ULK4: variants seen among roughly 807,000 people sequenced by gnomAD.
ULK4 encodes unc-51 like kinase 4.
ULK4 carries 133 observed loss-of-function variants against 160.6 expected under a neutral mutation model. The ratio of observed to expected loss-of-function variants is 0.83; its 90% CI spans 0.72 to 0.96. The LOEUF is 0.96. Among genes scored for constraint, ULK4 ranks in the 40% least tolerant of loss-of-function variants. The pLI, the probability that ULK4 is intolerant of heterozygous loss-of-function variation, is 0.00. For missense variants in ULK4, 1,580 were observed against 1,499.5 expected (o/e 1.05, Z -0.89); for synonymous variants, 534 against 539.8 (o/e 0.99, Z 0.15).
At chr3:41,481,406 T>C (rs970403368) in intron 32 of ULK4, among the ~76,000 whole-genome samples, 1 of 152,206 alleles carries the variant, frequency 6.6e-6, no homozygotes, top group Non-Finnish European at 1.5e-5. Flanking sequence ...TGAAATCTAC[T>C]GGGCTGCATT....
chr3:41,395,055 G>T (rs566513813), intron 35 of ULK4, among the ~76,000 whole-genome samples: 1 of 152,134 alleles, frequency 6.6e-6, no homozygotes, highest in African/African-American at 2.4e-5. Context: ...TGATCCCAAT[G>T]CAGAACATTT....
At chr3:41,826,623 T>C (rs2041364834) in intron 18 of ULK4, among the ~76,000 whole-genome samples, 1 of 146,602 alleles carries the variant, frequency 6.8e-6, no homozygotes, top group Admixed American at 6.7e-5. Context: ...CCTAAATACA[T>C]ATGCACCCAA....
chr3:41,604,735 G>A (rs925107020), intron 31 of ULK4, among the ~76,000 whole-genome samples: 1 of 151,906 alleles, frequency 6.6e-6, no homozygotes, highest in African/African-American at 2.4e-5. Flanking sequence ...CTACAGCCAG[G>A]GCCAACTCTA....
chr3:41,620,437 C>A (rs1216598410), intron 30 of ULK4, among the ~76,000 whole-genome samples: 1 of 152,176 alleles, frequency 6.6e-6, no homozygotes, highest in East Asian at 1.9e-4. Context: ...TTGGCTTCAT[C>A]CCTGGGATGC....
At chr3:41,296,918 GGAA>G (rs34460419) in intron 35 of ULK4, among the ~76,000 whole-genome samples, 65,896 of 151,652 alleles carry the variant, frequency 0.43, 16,410 homozygotes, top group East Asian at 0.65. Context: ...ACAGATGGCA[GGAA>G]GAAGAGAGGG....
chr3:41,686,725 G>C (rs2036113894), intron 27 of ULK4, among the ~76,000 whole-genome samples: 1 of 152,152 alleles, frequency 6.6e-6, no homozygotes, highest in Non-Finnish European at 1.5e-5. Context: ...AAATAAGAGA[G>C]AACGGCTCCA....
intron 34 of ULK4, among the ~76,000 whole-genome samples, chr3:41,454,208 A>G (rs528066964): frequency 6.7e-6 from 1 of 150,186 alleles, no homozygotes; most frequent in Non-Finnish European, 1.5e-5. Context: ...GAAAAATTCC[A>G]TTTAAGAAAG....
intron 32 of ULK4, among the ~76,000 whole-genome samples, chr3:41,492,713 A>G (rs1428494752): frequency 2.0e-5 from 3 of 151,996 alleles, no homozygotes; most frequent in African/African-American, 7.3e-5. Context: ...CATAGGCTCA[A>G]AATAAAAGGA....
At chr3:41,920,857 A>G (rs912321481) in intron 5 of ULK4, among the ~76,000 whole-genome samples, 2 of 152,108 alleles carry the variant, frequency 1.3e-5, no homozygotes, top group Non-Finnish European at 2.9e-5. Context: ...TGGAAGGTAT[A>G]TTTGCCTGCA....
chr3:41,884,857 A>G (rs969910022), intron 16 of ULK4, among the ~76,000 whole-genome samples: 13 of 152,230 alleles, frequency 8.5e-5, no homozygotes, highest in African/African-American at 2.4e-5. Context: ...CAAATTAAAG[A>G]AGTCCTAGGC....
At position 41,506,767 on chromosome 3, in the gene ULK4, A is replaced by AAAAAAAAAAAAAAAAAAAAAAAAAAAAT; in HGVS notation, c.3227-43515_3227-43514insATTTTTTTTTTTTTTTTTTTTTTTTTTT. 1.1e-4 allele frequency among the ~76,000 whole-genome samples: 6 copies of AAAAAAAAAAAAAAAAAAAAAAAAAAAAT among 56,794 alleles called. 2 individuals are homozygous for AAAAAAAAAAAAAAAAAAAAAAAAAAAAT. Among genetic ancestry groups the AAAAAAAAAAAAAAAAAAAAAAAAAAAAT allele is most frequent in the Admixed American group, 4.3e-4 (2 of 4,640 alleles). The allele number at this position is 56,794 out of a possible 152,430, so 37.3% of individuals were successfully genotyped here. ...AGCAATACACTGGAGTGTGATTTAA[A>AAAAAAAAAAAAAAAAAAAAAAAAAAAAT]ATATATATATATATATATATATATA... On this transcript the variant is annotated intron_variant, in intron 32 of 36. Coordinates refer to ENST00000301831, the MANE Select transcript of ULK4 (RefSeq NM_017886.4).
chr3:41,486,140 A>G (rs1299721785), intron 32 of ULK4, among the ~76,000 whole-genome samples: 2 of 152,098 alleles, frequency 1.3e-5, no homozygotes, highest in African/African-American at 2.4e-5. Context: ...TATCTCATGA[A>G]TATCAGTCTT....
At chr3:41,253,911 C>A (rs2078784333) in intron 35 of ULK4, among the ~76,000 whole-genome samples, 1 of 152,126 alleles carries the variant, frequency 6.6e-6, no homozygotes, top group African/African-American at 2.4e-5. Flanking sequence ...TTACCAGGGA[C>A]ATATTTTGAT....
intron 30 of ULK4, among the ~76,000 whole-genome samples, chr3:41,633,142 G>A (rs1233410594): frequency 1.3e-5 from 2 of 152,232 alleles, no homozygotes; most frequent in East Asian, 1.9e-4. Flanking sequence ...GCGGATCACA[G>A]AAGATCATGT....
chr3:41,829,711 G>C (rs2041502504), intron 18 of ULK4, among the ~76,000 whole-genome samples: 1 of 152,040 alleles, frequency 6.6e-6, no homozygotes, highest in Admixed American at 6.5e-5. Flanking sequence ...CTGTAAACTA[G>C]TTCAACCATT....
chr3:41,802,905 G>A (rs564024981), intron 19 of ULK4, among the ~76,000 whole-genome samples: 3 of 152,124 alleles, frequency 2.0e-5, no homozygotes, highest in Non-Finnish European at 2.9e-5. Context: ...AGTGGCTCAC[G>A]CCTGTAATCC....
chr3:41,605,263 CAA>C (rs2032321992), intron 31 of ULK4, among the ~76,000 whole-genome samples: 1 of 151,428 alleles, frequency 6.6e-6, no homozygotes, highest in African/African-American at 2.4e-5. Context: ...ATAATAATAT[CAA>C]AAATTGTATT....
At chr3:41,591,435 A>G (rs1303854626) in intron 31 of ULK4, among the ~76,000 whole-genome samples, 1 of 152,078 alleles carries the variant, frequency 6.6e-6, no homozygotes, top group Non-Finnish European at 1.5e-5. Flanking sequence ...CCTGGGCCAC[A>G]CTGGAAGAAG....
At chr3:41,315,312 G>A (rs1390807162) in intron 35 of ULK4, among the ~76,000 whole-genome samples, 1 of 152,098 alleles carries the variant, frequency 6.6e-6, no homozygotes, top group Non-Finnish European at 1.5e-5. Context: ...TGAAGTCACA[G>A]ACTTTGTTCA....
Sources: allele counts gnomAD v4.1 joint callset (sites outside exome capture counted in the v4.1 genomes callset), GRCh38; gene constraint gnomAD v4.1.1; transcripts MANE v1.5; gene names NCBI Gene and HGNC (gene_info 2026-07-23, HGNC 2026-07-21).